Variants in CHST9 observed in about 807,000 individuals in gnomAD.
CHST9 encodes carbohydrate sulfotransferase 9.
A neutral mutation model predicts 44.4 loss-of-function variants in CHST9; 41 were observed. That is an observed-to-expected ratio of 0.92 (90% confidence interval 0.72 to 1.20). The LOEUF (loss-of-function observed/expected upper bound fraction) is 1.20. Ranked by LOEUF, CHST9 falls within the 50% of genes most tolerant of loss-of-function variation. The pLI is 0.00. For synonymous variants in CHST9, 171 were observed against 178.4 expected (o/e 0.96, Z 0.33); for missense variants, 504 against 516.5 (o/e 0.98, Z 0.23).
chr18:26,921,298 A>C (rs982035383), intron 5 of CHST9, among the ~76,000 whole-genome samples: 16 of 152,172 alleles, frequency 1.1e-4, no homozygotes, highest in African/African-American at 3.6e-4. Flanking sequence ...CTTTCTAAAG[A>C]CTAGTTTAGC....
chr18:27,001,608 T>C (rs1234546534), intron 4 of CHST9, among the ~76,000 whole-genome samples: 1 of 151,872 alleles, frequency 6.6e-6, no homozygotes, highest in Non-Finnish European at 1.5e-5. Context: ...TTCATGGGGC[T>C]TGGAGTAAAG....
intron 2 of CHST9, among the ~76,000 whole-genome samples, chr18:27,061,376 A>C (rs1366326960): frequency 6.6e-6 from 1 of 152,234 alleles, no homozygotes; most frequent in African/African-American, 2.4e-5. Flanking sequence ...AATCTAAAGG[A>C]AAGAGCATTG....
intron 1 of CHST9, among the ~76,000 whole-genome samples, chr18:27,151,600 C>T (rs1032399242): frequency 6.6e-6 from 1 of 152,088 alleles, no homozygotes; most frequent in African/African-American, 2.4e-5. Flanking sequence ...TGGGTGGACC[C>T]CATGTAATCA....
At chr18:27,110,815 T>C (rs2058264806) in intron 2 of CHST9, among the ~76,000 whole-genome samples, 1 of 152,236 alleles carries the variant, frequency 6.6e-6, no homozygotes, top group Admixed American at 6.5e-5. Context: ...CTAAGGCTAG[T>C]GGTTCTGAAA....
At chr18:26,944,022 T>A (rs1418646751) in intron 5 of CHST9, among the ~76,000 whole-genome samples, 2 of 152,170 alleles carry the variant, frequency 1.3e-5, no homozygotes, top group Non-Finnish European at 2.9e-5. Flanking sequence ...GCTGCCATGA[T>A]AGTATCAATA....
At chr18:26,953,298 A>G (rs563896761) in intron 4 of CHST9, among the ~76,000 whole-genome samples, 17 of 152,328 alleles carry the variant, frequency 1.1e-4, no homozygotes, top group Non-Finnish European at 1.8e-4. Context: ...GTTGGGGAGA[A>G]TAATGGTGAT....
chr18:27,038,175 GA>G (rs1277085679), intron 3 of CHST9, among the ~76,000 whole-genome samples: 1 of 152,098 alleles, frequency 6.6e-6, no homozygotes, highest in Non-Finnish European at 1.5e-5. Context: ...ATAAACACTA[GA>G]AAAGTAAATT....
intron 2 of CHST9, among the ~76,000 whole-genome samples, chr18:27,049,358 T>C (rs1321958038): frequency 6.6e-6 from 1 of 152,094 alleles, no homozygotes; most frequent in Admixed American, 6.6e-5. Context: ...AATGGTATTA[T>C]AGAATGTGAT....
chr18:26,924,265 G>A (rs966201745), intron 5 of CHST9, among the ~76,000 whole-genome samples: 1 of 152,116 alleles, frequency 6.6e-6, no homozygotes, highest in Non-Finnish European at 1.5e-5. Flanking sequence ...GCTCAGATTC[G>A]AAGCATAAGG....
rs1333366611 is a variant in CHST9 at position 26,912,455 on chromosome 18, T to C, written c.*3804A>G. On this transcript the variant is annotated 3_prime_UTR_variant, in exon 6 of 6. Transcript: ENST00000618847. ...TGGAAAAAATTTCAGGATTCCAATATATTGTTTTTGCCTCTACCTATCCTG... is the reference window on the plus strand; with the variant it reads ...TGGAAAAAATTTCAGGATTCCAATACATTGTTTTTGCCTCTACCTATCCTG... 6.6e-6 allele frequency: 1 copy of C among 151,984 alleles called. No homozygotes were observed. The highest frequency in any genetic ancestry group is 1.9e-4 in the East Asian group (1 of 5,188). The allele number at this position is 151,984 out of a possible 1,614,324, so 9.4% of individuals were successfully genotyped here.
At chr18:27,019,689 C>CAAA (rs60043018) in intron 4 of CHST9, among the ~76,000 whole-genome samples, 17,478 of 90,628 alleles carry the variant, frequency 0.19, 1,616 homozygotes, top group East Asian at 0.26. Flanking sequence ...CACTACATGG[C>CAAA]AAAAAAAAAA....
intron 4 of CHST9, among the ~76,000 whole-genome samples, chr18:27,009,663 G>T (rs2057059783): frequency 6.6e-6 from 1 of 152,142 alleles, no homozygotes; most frequent in South Asian, 2.1e-4. Context: ...TGTACTTTGG[G>T]CAGTAATGAA....
intron 4 of CHST9, among the ~76,000 whole-genome samples, chr18:27,002,907 A>G (rs980854272): frequency 2.0e-5 from 3 of 152,182 alleles, no homozygotes; most frequent in Non-Finnish European, 4.4e-5. Flanking sequence ...AATGGCAGAA[A>G]TGTGAAAAGA....
intron 4 of CHST9, among the ~76,000 whole-genome samples, chr18:27,020,929 G>A (rs950249224): frequency 6.6e-6 from 1 of 152,298 alleles, no homozygotes; most frequent in Middle Eastern, 3.4e-3. Context: ...AGTGTGGGAG[G>A]AAGTGCAATC....
chr18:27,082,757 G>A (rs772849949), intron 2 of CHST9, among the ~76,000 whole-genome samples: 5 of 152,074 alleles, frequency 3.3e-5, no homozygotes, highest in Non-Finnish European at 5.9e-5. Context: ...GAGAGAGTGA[G>A]GTGACAGTAT....
At chr18:27,176,070 G>A (rs951912541) in intron 1 of CHST9, among the ~76,000 whole-genome samples, 4 of 152,014 alleles carry the variant, frequency 2.6e-5, no homozygotes, top group African/African-American at 9.7e-5. Context: ...ATGGGAGAGA[G>A]CTGGAATGTT....
At chr18:27,027,000 A>G (rs1036396148) in intron 3 of CHST9, among the ~76,000 whole-genome samples, 6 of 152,226 alleles carry the variant, frequency 3.9e-5, no homozygotes, top group Non-Finnish European at 8.8e-5. Context: ...ATAGGTCTAG[A>G]GCTTTGATGA....
intron 2 of CHST9, among the ~76,000 whole-genome samples, chr18:27,096,518 G>C (rs1424488080): frequency 6.6e-6 from 1 of 151,920 alleles, no homozygotes; most frequent in Non-Finnish European, 1.5e-5. Flanking sequence ...GGATAAGCAA[G>C]ATTGGTAGAT....
chr18:27,116,638 C>CTGGGATTTTAACAGCAAGTATGTTGAAT, intron 2 of CHST9, among the ~76,000 whole-genome samples: 1 of 152,272 alleles, frequency 6.6e-6, no homozygotes, highest in South Asian at 2.1e-4. Flanking sequence ...AAAAAGGCAG[C>CTGGGATTTTAACAGCAAGTATGTTGAAT]TGGGATTTTA....
Sources: allele counts gnomAD v4.1 joint callset (sites outside exome capture counted in the v4.1 genomes callset), GRCh38; gene constraint gnomAD v4.1.1; transcripts MANE v1.5; gene names NCBI Gene and HGNC (gene_info 2026-07-23, HGNC 2026-07-21).